GLP1R: variants seen among roughly 807,000 people sequenced by gnomAD.
The protein encoded by GLP1R is glucagon-like peptide 1 receptor.
Under a neutral mutation model 68.4 loss-of-function variants are expected in GLP1R, and 32 were observed. The observed-to-expected ratio is 0.47, with a 90% CI of 0.35 to 0.63. The LOEUF is 0.63. GLP1R is among the 20% of genes least tolerant of loss of function. The pLI, the probability that GLP1R is intolerant of heterozygous loss-of-function variation, is 0.00. For missense variants in GLP1R, 502 were observed against 594.9 expected (o/e 0.84, Z 1.62); for synonymous variants, 263 against 244.4 (o/e 1.08, Z -0.71).
At chr6:39,069,843 T>A (rs1285938842) in intron 5 of GLP1R, among the ~76,000 whole-genome samples, 1 of 152,188 alleles carries the variant, frequency 6.6e-6, no homozygotes, top group Non-Finnish European at 1.5e-5. Flanking sequence ...CTGTGCCTGC[T>A]GTTATAACAA....
intron 5 of GLP1R, among the ~76,000 whole-genome samples, chr6:39,068,620 C>A (rs147285935): frequency 1.3e-5 from 2 of 152,238 alleles, no homozygotes; most frequent in Admixed American, 6.5e-5. Context: ...GTTAGCACCA[C>A]GTGAACACTG....
rs367615004 is a variant in GLP1R at position 39,086,393 on chromosome 6, C to T, written c.*320C>T. 1.5e-5 allele frequency: 4 copies of T among 259,066 alleles called. No homozygotes were observed. The highest frequency in any genetic ancestry group is 1.4e-4 in the East Asian group (2 of 14,198). 16.0% of individuals were successfully genotyped at this position (259,066 alleles called of 1,614,324 possible). A position where few individuals can be genotyped will look rare whatever the true frequency, so the allele number is the denominator to read the frequency against. ...TGTGAAACCACAGGCCCTTGGGGTT[C>T]CCCCAGACAGAGCCGCAAATCAACC... is the stretch of plus-strand genomic sequence containing the variant. On this transcript the variant is annotated 3_prime_UTR_variant, in exon 13 of 13. Coordinates refer to ENST00000373256, the MANE Select transcript of GLP1R (RefSeq NM_002062.5). This position sits in a 1 kb window ranked among gnomAD's most constrained non-coding sequence, Gnocchi z 4.5.
chr6:39,076,656 C>T (rs1243787564), intron 7 of GLP1R, among the ~76,000 whole-genome samples: 4 of 152,160 alleles, frequency 2.6e-5, no homozygotes, highest in Non-Finnish European at 2.9e-5. Context: ...CAAAGTCATA[C>T]GTGCACACTC....
At position 39,086,440 on chromosome 6, in the gene GLP1R, A is replaced by G; in HGVS notation, c.*367A>G. 1 of 189,682 alleles carries G rather than the reference A, an allele frequency of 5.3e-6. No homozygotes were observed. Among genetic ancestry groups the G allele is most frequent in the Non-Finnish European group, 1.1e-5 (1 of 92,044 alleles). The allele number at this position is 189,682 out of a possible 1,614,324, so 11.7% of individuals were successfully genotyped here. On this transcript the variant is annotated 3_prime_UTR_variant, in exon 13 of 13. Transcript: ENST00000373256. This position sits in a 1 kb window ranked among gnomAD's most constrained non-coding sequence, Gnocchi z 4.5. ...AACCCCAGACTCAAACTCAAGGTCA[A>G]CGGCTTATTAGTGAAACTGGGGCTT...
chr6:39,050,379 A>G (rs1340609083), intron 1 of GLP1R, among the ~76,000 whole-genome samples: 1 of 152,134 alleles, frequency 6.6e-6, no homozygotes, highest in Non-Finnish European at 1.5e-5. Context: ...GTCTGGTTTG[A>G]ATGAAGGGAA....
intron 5 of GLP1R, among the ~76,000 whole-genome samples, chr6:39,068,450 C>T (rs138052844): frequency 6.8e-4 from 103 of 152,286 alleles, no homozygotes; most frequent in African/African-American, 2.4e-3. Context: ...CTCTCTGTAG[C>T]GGCCCCACAC....
At chr6:39,082,316 A>G (rs988802617) in intron 12 of GLP1R, among the ~76,000 whole-genome samples, 1 of 152,220 alleles carries the variant, frequency 6.6e-6, no homozygotes, top group Non-Finnish European at 1.5e-5. Context: ...TTCACAGCTA[A>G]GAACGTTAAG....
rs1419588742 is a variant in GLP1R, at chr6:39,056,509, C to T, written c.175+16C>T. Reference sequence around the variant, plus strand: ...CCTGCCACAGGTGAGTCCATGTAGGCTCCCCACCTTTAGTGCTCCCCACCC... The same window carrying T: ...CCTGCCACAGGTGAGTCCATGTAGGTTCCCCACCTTTAGTGCTCCCCACCC... On this transcript the variant is annotated intron_variant, in intron 2 of 12. Coordinates refer to ENST00000373256, the MANE Select transcript of GLP1R (RefSeq NM_002062.5). 1.4e-6 allele frequency: 2 copies of T among 1,385,340 alleles called. No individual in the cohort carries two copies. 85.8% of individuals were successfully genotyped at this position (1,385,340 alleles called of 1,614,324 possible).
intron 1 of GLP1R, among the ~76,000 whole-genome samples, chr6:39,051,175 T>C (rs571709487): frequency 6.6e-6 from 1 of 152,260 alleles, no homozygotes; most frequent in Non-Finnish European, 1.5e-5. Flanking sequence ...GATTCAAATA[T>C]AGGGTCTGCT....
chr6:39,077,090 T>C (rs1238096548), intron 7 of GLP1R, among the ~76,000 whole-genome samples: 4 of 152,184 alleles, frequency 2.6e-5, no homozygotes, highest in Non-Finnish European at 5.9e-5. Flanking sequence ...CAACGAACCA[T>C]TGTTATCTCA....
intron 8 of GLP1R, among the ~76,000 whole-genome samples, chr6:39,078,592 GGGTCTGT>G (rs1315476253): frequency 6.6e-6 from 1 of 152,106 alleles, no homozygotes; most frequent in Non-Finnish European, 1.5e-5. Context: ...TAACGGAACT[GGGTCTGT>G]GGGGTACATG....
chr6:39,054,955 G>C (rs1047816615), intron 1 of GLP1R, among the ~76,000 whole-genome samples: 6 of 152,222 alleles, frequency 3.9e-5, no homozygotes, highest in African/African-American at 1.4e-4. Flanking sequence ...TGTTATGTTT[G>C]ATTTCTTGTT....
intron 12 of GLP1R, among the ~76,000 whole-genome samples, chr6:39,085,107 C>T (rs1463586482): frequency 1.3e-5 from 2 of 152,184 alleles, no homozygotes; most frequent in African/African-American, 4.8e-5. Context: ...CTGGCCACCA[C>T]CGGGAGCCAC....
chr6:39,074,433 G>A (rs141991681), intron 7 of GLP1R: 1 of 151,992 alleles, frequency 6.6e-6, no homozygotes, highest in Non-Finnish European at 1.5e-5. Context: ...CAGCATTGGG[G>A]TTGGGAAGGG....
chr6:39,084,823 A>G (rs954308473), intron 12 of GLP1R, among the ~76,000 whole-genome samples: 1 of 152,178 alleles, frequency 6.6e-6, no homozygotes, highest in African/African-American at 2.4e-5. Context: ...TGCTGGGCAT[A>G]GCTGGATGGA....
intron 8 of GLP1R, 74 bp from the exon 9 acceptor site, chr6:39,078,883 C>G: frequency 7.6e-7 from 1 of 1,307,296 alleles, no homozygotes; most frequent in South Asian, 1.2e-5. Flanking sequence ...CATTGGCGGC[C>G]TCTGTGCCTG....
intron 7 of GLP1R, 137 bp from the exon 8 acceptor site, chr6:39,078,185 T>C: frequency 1.5e-6 from 1 of 687,062 alleles, no homozygotes; most frequent in Non-Finnish European, 2.6e-6. Context: ...AGAAAAAAAC[T>C]AGAAAACATA....
intron 4 of GLP1R, 99 bp downstream of exon 4, chr6:39,065,928 T>C: frequency 1.4e-6 from 1 of 729,450 alleles, no homozygotes; most frequent in Non-Finnish European, 2.4e-6. Flanking sequence ...GCATCTGTGG[T>C]CATTTCATCC....
intron 7 of GLP1R, among the ~76,000 whole-genome samples, chr6:39,074,714 C>G (rs906148928): frequency 6.6e-5 from 10 of 152,154 alleles, no homozygotes; most frequent in African/African-American, 2.4e-4. Flanking sequence ...GACTCCTCTT[C>G]CCTGACAATG....
Sources: gnomAD v4.1 joint callset for allele counts (sites outside exome capture counted in the v4.1 genomes callset) on GRCh38, gnomAD v4.1.1 for gene constraint, Gnocchi (gnomAD v3.1) non-coding constraint, MANE v1.5 for transcripts, NCBI Gene and HGNC (gene_info 2026-07-23, HGNC 2026-07-21) for gene names.